Variants in CDKN2A observed in about 807,000 individuals in gnomAD.
CDKN2A encodes cyclin-dependent kinase inhibitor 2A.
Under a neutral mutation model 11.1 loss-of-function variants are expected in CDKN2A, and 3 were observed. The ratio of observed to expected loss-of-function variants is 0.27; its 90% CI spans 0.12 to 0.70. The LOEUF is 0.70. Among genes scored for constraint, CDKN2A ranks in the 30% least tolerant of loss-of-function variants. CDKN2A has a pLI of 0.77. For missense variants in CDKN2A, 265 were observed against 233.6 expected (o/e 1.13, Z -0.88); for synonymous variants, 122 against 108.1 (o/e 1.13, Z -0.80).
upstream of CDKN2A, chr9:21,974,865 C>G (rs2131114723): frequency 6.7e-7 from 1 of 1,493,514 alleles, no homozygotes; most frequent in Non-Finnish European, 8.8e-7. The surrounding 1 kb of genome is among the most constrained non-coding windows in gnomAD (Gnocchi z 5.2). Flanking sequence ...CTCCCCCTCT[C>G]CGCAGCCGCC....
rs121913384 is a variant in CDKN2A at position 21,971,097 on chromosome 9, C to G, written c.262G>C (p.Glu88Gln). 1 of 1,604,926 alleles carries G rather than the reference C, an allele frequency of 6.2e-7. No individual in the cohort carries two copies. The highest frequency in any genetic ancestry group is 8.5e-7 in the Non-Finnish European group (1 of 1,179,574). ...LTRPVHDAAR[E>Q]GFLDTLVVLH... ...ACCACCAGCGTGTCCAGGAAGCCCT[C>G]CCGGGCAGCGTCGTGCACGGGTCGG... The change falls in exon 2 of 3, where the codon GAG becomes CAG. Residue 88 changes from glutamate (E) to glutamine (Q), a missense_variant. Coordinates refer to ENST00000304494, the MANE Select transcript of CDKN2A (RefSeq NM_000077.5).
At chr9:21,975,257 G>T, upstream of CDKN2A, 2 of 604,306 alleles carry the variant, frequency 3.3e-6, no homozygotes, top group East Asian at 1.4e-4. Context: ...GTTTGAGTGC[G>T]TTCACTCTGT....
chr9:21,972,646 C>T (rs748468434), intron 1 of CDKN2A, among the ~76,000 whole-genome samples: 4 of 152,180 alleles, frequency 2.6e-5, no homozygotes, highest in Non-Finnish European at 4.4e-5. Flanking sequence ...TTTGTAACAG[C>T]AGCAGTAGGA....
At chr9:21,978,649 C>T (rs1398458231), upstream of CDKN2A, among the ~76,000 whole-genome samples, 2 of 152,136 alleles carry the variant, frequency 1.3e-5, no homozygotes, top group African/African-American at 4.8e-5. Context: ...TTTGCACTGC[C>T]TTTGCAGTTT....
Position 21,968,287 on chromosome 9 carries a change from A to C in CDKN2A, c.458-45T>G. ...AACAGGCGTTAGAAACCTGAGGTCA[A>C]AGATGTGTGGCACATCCCGCCCTCC... On this transcript the variant is annotated intron_variant, in intron 2 of 2. Transcript: ENST00000304494. This position sits in a 1 kb window ranked among gnomAD's most constrained non-coding sequence, Gnocchi z 4.7. 6.2e-7 allele frequency: 1 copy of C among 1,609,326 alleles called. No homozygotes were observed. Among genetic ancestry groups the C allele is most frequent in the South Asian group, 1.1e-5 (1 of 90,946 alleles).
At chr9:21,984,450 T>C (rs1470707848) in intron 2 of CDKN2A, among the ~76,000 whole-genome samples, 1 of 152,038 alleles carries the variant, frequency 6.6e-6, no homozygotes, top group Non-Finnish European at 1.5e-5. Context: ...TTGCAAAATT[T>C]ACTTTCTCTA....
intron 2 of CDKN2A, among the ~76,000 whole-genome samples, chr9:21,985,940 TA>T (rs1820289328): frequency 6.6e-6 from 1 of 152,024 alleles, no homozygotes; most frequent in Non-Finnish European, 1.5e-5. Context: ...GTATTTACTG[TA>T]AAAAACTAAT....
At chr9:21,986,641 G>A (rs1486529876) in intron 2 of CDKN2A, among the ~76,000 whole-genome samples, 4 of 151,990 alleles carry the variant, frequency 2.6e-5, no homozygotes, top group Non-Finnish European at 5.9e-5. Flanking sequence ...TAAGGATATT[G>A]TGATAATTAA....
Position 21,991,781 on chromosome 9 carries a change from A to G in CDKN2A, c.-4+2101T>C, listed in dbSNP as rs1035000226. On this transcript the variant is annotated intron_variant, in intron 2 of 3. Transcript: ENST00000494262. The surrounding 1 kb of genome is among the most constrained non-coding windows in gnomAD (Gnocchi z 5.2). ...GAGTACTCAAAGAAGTAAAATGAATATAAGTCTTGATTTCTGAAAGGGCTA... is the reference window on the plus strand; with the variant it reads ...GAGTACTCAAAGAAGTAAAATGAATGTAAGTCTTGATTTCTGAAAGGGCTA... 28 of 985,206 alleles carry G rather than the reference A, an allele frequency of 2.8e-5. No individual in the cohort carries two copies. The highest frequency in any genetic ancestry group is 2.3e-4 in the South Asian group (5 of 21,288). 61.0% of individuals were successfully genotyped at this position (985,206 alleles called of 1,614,324 possible). A position where few individuals can be genotyped will look rare whatever the true frequency, so the allele number is the denominator to read the frequency against.
intron 2 of CDKN2A, among the ~76,000 whole-genome samples, chr9:21,992,967 A>C (rs1184580449): frequency 6.6e-6 from 1 of 152,206 alleles, no homozygotes; most frequent in African/African-American, 2.4e-5. Context: ...TAATATGAAA[A>C]GTAAAAAATA....
chr9:21,991,829 A>G lies in CDKN2A; in HGVS notation c.-4+2053T>C. The G allele has an allele frequency of 1.0e-6, 1 of 985,068 alleles. No individual in the cohort carries two copies. Among genetic ancestry groups the G allele is most frequent in the Non-Finnish European group, 1.2e-6 (1 of 829,570 alleles). The allele number at this position is 985,068 out of a possible 1,614,324, so 61.0% of individuals were successfully genotyped here. On this transcript the variant is annotated intron_variant, in intron 2 of 3. Transcript: ENST00000494262. The surrounding 1 kb of genome is among the most constrained non-coding windows in gnomAD (Gnocchi z 5.2). The stretch of plus-strand genomic sequence containing the variant: ...CTATGGTTCACTTGGAACACAATAC[A>G]AACTGTGAATCATGTACACATGGGG...
intron 2 of CDKN2A, among the ~76,000 whole-genome samples, chr9:21,979,870 T>G (rs1587346094): frequency 6.6e-6 from 1 of 152,292 alleles, no homozygotes; most frequent in African/African-American, 2.4e-5. Flanking sequence ...AGCCCTGCAG[T>G]GGTGCTACTA....
chr9:21,977,390 T>G (rs1820062612), upstream of CDKN2A, among the ~76,000 whole-genome samples: 1 of 152,156 alleles, frequency 6.6e-6, no homozygotes. Flanking sequence ...GGAGTTTCGC[T>G]CTGTTGCCCA....
rs1402438759 is a variant in CDKN2A at position 21,989,653 on chromosome 9, T to G, written c.-4+4229A>C. On this transcript the variant is annotated intron_variant, in intron 2 of 3. Coordinates refer to the CDKN2A transcript ENST00000494262. ...ACTCACTTTTCATCTACCCATCCCC[T>G]CCAAAACAAGGCCTAGCCAGTTCCA... The G allele has an allele frequency of 2.0e-5, 3 of 152,032 alleles. No individual in the cohort carries two copies. The East Asian group carries it at 5.8e-4, about 29-fold the overall frequency. The allele number at this position is 152,032 out of a possible 1,614,324, so 9.4% of individuals were successfully genotyped here. A position where few individuals can be genotyped will look rare whatever the true frequency, so the allele number is the denominator to read the frequency against.
Position 21,974,410 on chromosome 9 carries a change from C to G in CDKN2A, c.150+268G>C, listed in dbSNP as rs145697272. On this transcript the variant is annotated intron_variant, in intron 1 of 2. Coordinates refer to ENST00000304494, the MANE Select transcript of CDKN2A (RefSeq NM_000077.5). The surrounding 1 kb of genome is among the most constrained non-coding windows in gnomAD (Gnocchi z 5.2). The stretch of plus-strand genomic sequence containing the variant: ...TATCTGATAAAGAGCATACTTCCAT[C>G]TAATACAAATATGTTCCCCCCTTCA... 1 of 1,599,798 alleles carries G rather than the reference C, an allele frequency of 6.3e-7. No homozygotes were observed. Among genetic ancestry groups the G allele is most frequent in the Admixed American group, 1.7e-5 (1 of 59,492 alleles).
chr9:21,975,221 G>T, upstream of CDKN2A: 2 of 1,031,336 alleles, frequency 1.9e-6, no homozygotes, highest in Non-Finnish European at 2.4e-6. Context: ...TCCCAGCCGC[G>T]CTCCCCCGCC....
At chr9:21,987,420 CACACACACACACAG>C (rs1820324823) in intron 2 of CDKN2A, among the ~76,000 whole-genome samples, 1 of 119,442 alleles carries the variant, frequency 8.4e-6, no homozygotes, top group African/African-American at 3.1e-5. Context: ...CACACACACA[CACACACACACACAG>C]AGAGAGAGAG....
chr9:21,980,006 G>A (rs1398115221), intron 2 of CDKN2A, among the ~76,000 whole-genome samples: 1 of 152,192 alleles, frequency 6.6e-6, no homozygotes, highest in East Asian at 1.9e-4. Flanking sequence ...TGGTTCTGAT[G>A]CGGCATTGTA....
At position 21,968,991 on chromosome 9, in the gene CDKN2A, C is replaced by A. The variant is rs931016102; in HGVS notation, c.458-749G>T. Among the ~76,000 whole-genome samples, 1 of 152,164 alleles carries A rather than the reference C, an allele frequency of 6.6e-6. No individual in the cohort carries two copies. Among genetic ancestry groups the A allele is most frequent in the Non-Finnish European group, 1.5e-5 (1 of 68,046 alleles). ...CATTTGCACTTGAGTTTCTTTCTCC[C>A]GTAGCTTGCATTAGATTCTCCGACC... On this transcript the variant is annotated intron_variant, in intron 2 of 2. Transcript: ENST00000304494. The surrounding 1 kb of genome is among the most constrained non-coding windows in gnomAD (Gnocchi z 4.7).
Sources: gnomAD v4.1 joint callset for allele counts (sites outside exome capture counted in the v4.1 genomes callset) on GRCh38, gnomAD v4.1.1 for gene constraint, Gnocchi (gnomAD v3.1) non-coding constraint, MANE v1.5 for transcripts, NCBI Gene and HGNC (gene_info 2026-07-23, HGNC 2026-07-21) for gene names.